NEO1: variants seen among roughly 807,000 people sequenced by gnomAD.
NEO1 encodes the protein neogenin 1.
In NEO1, 63 loss-of-function variants were observed where a neutral mutation model predicts 159.7. That is an observed-to-expected ratio of 0.39 (90% CI 0.32 to 0.49). The LOEUF is 0.49. Among genes scored for constraint, NEO1 ranks in the 20% least tolerant of loss-of-function variants. The pLI is 0.85. For missense variants in NEO1, 1,615 were observed against 1,831.0 expected (o/e 0.88, Z 2.15); for synonymous variants, 633 against 662.0 (o/e 0.96, Z 0.67).
intron 1 of NEO1, among the ~76,000 whole-genome samples, chr15:73,091,378 A>C (rs2069681164): frequency 6.6e-6 from 1 of 152,304 alleles, no homozygotes; most frequent in African/African-American, 2.4e-5. Context: ...ATTTGTTTAT[A>C]CAAACTTTTT....
chr15:73,178,640 A>G (rs2035417859), intron 7 of NEO1, among the ~76,000 whole-genome samples: 1 of 129,470 alleles, frequency 7.7e-6, no homozygotes. Flanking sequence ...TTTTACTAAG[A>G]AAAGGAAAAC....
chr15:73,270,128 G>T lies in NEO1; in HGVS notation c.2613G>T (p.Arg871Ser). 1.2e-6 allele frequency: 2 copies of T among 1,614,106 alleles called. No homozygotes were observed. Among genetic ancestry groups the T allele is most frequent in the Non-Finnish European group, 1.7e-6 (2 of 1,180,024 alleles). Residue 871 changes from arginine (R) to serine (S), a missense_variant, in exon 17 of 29, where the codon AGG (arginine) becomes AGT (serine). By Grantham distance (110) the Arg-to-Ser change is moderately radical. Transcript: ENST00000261908. ...CCATTCTGAGTCATGACACCATCAG[G>T]ATTACGTGGGCAGACAACTCGCTGC... ...QASILSHDTI[R>S]ITWADNSLPK...
intron 15 of NEO1, among the ~76,000 whole-genome samples, chr15:73,260,924 C>CT (rs898285427): frequency 6.6e-6 from 1 of 152,156 alleles, no homozygotes; most frequent in Non-Finnish European, 1.5e-5. Flanking sequence ...TCCCATTACA[C>CT]TTTCACTCCC....
intron 7 of NEO1, among the ~76,000 whole-genome samples, chr15:73,223,962 G>A (rs1219255116): frequency 1.3e-5 from 2 of 152,158 alleles, no homozygotes; most frequent in African/African-American, 4.8e-5. Context: ...AAGATGTAGA[G>A]CTCCTTTTAG....
chr15:73,293,670 C>T (rs777939330), intron 26 of NEO1, 122 bp downstream of exon 26: 18 of 1,067,830 alleles, frequency 1.7e-5, no homozygotes, highest in Non-Finnish European at 2.4e-5. Context: ...TTTAACTTAG[C>T]ATAACATTTC....
intron 22 of NEO1, among the ~76,000 whole-genome samples, chr15:73,279,351 G>GTTTTTGTTTTTGTTTTTGTTTTTTTTT (rs2041577119): frequency 2.5e-5 from 3 of 119,348 alleles, no homozygotes; most frequent in African/African-American, 9.0e-5. Context: ...TTTGGTTTTG[G>GTTTTTGTTTTTGTTTTTGTTTTTTTTT]TTTTTTTTTT....
Position 73,052,642 on chromosome 15 carries a change from G to A in NEO1, c.-34G>A, listed in dbSNP as rs902835754. 6 of 1,235,846 alleles carry A rather than the reference G, an allele frequency of 4.9e-6. No individual in the cohort carries two copies. The African/African-American group carries it at 8.0e-5, about 17-fold the overall frequency. The allele number at this position is 1,235,846 out of a possible 1,614,324, so 76.6% of individuals were successfully genotyped here. A position where few individuals can be genotyped will look rare whatever the true frequency, so the allele number is the denominator to read the frequency against. On this transcript the variant is annotated 5_prime_UTR_variant, in exon 1 of 29. Transcript: ENST00000261908. The stretch of plus-strand genomic sequence containing the variant: ...AAGGAGGCAAGGGCTCCGCGGCGCT[G>A]TCGCCGCCGCTGCCGCTCACTCTCG...
intron 16 of NEO1, among the ~76,000 whole-genome samples, chr15:73,268,457 C>A (rs1457718136): frequency 6.6e-6 from 1 of 152,186 alleles, no homozygotes; most frequent in Non-Finnish European, 1.5e-5. Flanking sequence ...CCTGAAGGTG[C>A]ATTTTCTGTA....
intron 7 of NEO1, among the ~76,000 whole-genome samples, chr15:73,186,050 T>C (rs2035902551): frequency 6.6e-6 from 1 of 151,912 alleles, no homozygotes. Flanking sequence ...GTACACATCA[T>C]AGTCAAACTT....
At chr15:73,115,561 G>T (rs1169257656) in intron 1 of NEO1, among the ~76,000 whole-genome samples, 1 of 151,344 alleles carries the variant, frequency 6.6e-6, no homozygotes, top group Non-Finnish European at 1.5e-5. Context: ...AAATTATAAA[G>T]AAGTGTGTAG....
At chr15:73,102,281 G>T (rs748084054) in intron 1 of NEO1, among the ~76,000 whole-genome samples, 1 of 152,088 alleles carries the variant, frequency 6.6e-6, no homozygotes, top group Non-Finnish European at 1.5e-5. Context: ...CAGAAGAATC[G>T]CTTGAACCCG....
chr15:73,083,447 T>TAA (rs1436401431), intron 1 of NEO1, among the ~76,000 whole-genome samples: 1 of 151,954 alleles, frequency 6.6e-6, no homozygotes, highest in East Asian at 1.9e-4. Flanking sequence ...TATATATATA[T>TAA]AAAACACAGT....
chr15:73,296,551 C>G (rs1222870046), intron 26 of NEO1, among the ~76,000 whole-genome samples: 1 of 152,152 alleles, frequency 6.6e-6, no homozygotes, highest in Non-Finnish European at 1.5e-5. Flanking sequence ...TTCTCAGAGC[C>G]CAAGGGCACA....
At chr15:73,205,076 C>A (rs774995069) in intron 7 of NEO1, among the ~76,000 whole-genome samples, 1 of 152,118 alleles carries the variant, frequency 6.6e-6, no homozygotes, top group Non-Finnish European at 1.5e-5. Context: ...TAGTTGTTTC[C>A]GCTATTATTC....
intron 22 of NEO1, among the ~76,000 whole-genome samples, chr15:73,281,081 G>A (rs191413179): frequency 2.0e-5 from 3 of 150,722 alleles, no homozygotes; most frequent in Non-Finnish European, 4.4e-5. Flanking sequence ...GGTGGCGGGC[G>A]CCTGTAGTCC....
intron 13 of NEO1, among the ~76,000 whole-genome samples, chr15:73,257,038 G>A (rs1195028722): frequency 7.0e-6 from 1 of 143,408 alleles, no homozygotes; most frequent in East Asian, 2.2e-4. Context: ...AGGCTGAGGT[G>A]GGAGGATCAT....
At chr15:73,052,837 G>C in intron 1 of NEO1, 32 bp downstream of exon 1, 1 of 537,734 alleles carries the variant, frequency 1.9e-6, no homozygotes, top group Non-Finnish European at 2.4e-6. Context: ...GGGGGTTCGC[G>C]GGGGCGCGGC....
At chr15:73,223,609 C>T (rs1279681750) in intron 7 of NEO1, among the ~76,000 whole-genome samples, 4 of 150,078 alleles carry the variant, frequency 2.7e-5, no homozygotes, top group Non-Finnish European at 5.9e-5. Flanking sequence ...TACCCCTGCT[C>T]GCTTTTGGTG....
chr15:73,090,635 A>C (rs2151439653), intron 1 of NEO1, among the ~76,000 whole-genome samples: 1 of 152,282 alleles, frequency 6.6e-6, no homozygotes, highest in South Asian at 2.1e-4. Context: ...CTTAACATAA[A>C]ATTATAAGTA....
Sources: gnomAD v4.1 joint callset for allele counts (sites outside exome capture counted in the v4.1 genomes callset) on GRCh38, gnomAD v4.1.1 for gene constraint, MANE v1.5 for transcripts, NCBI Gene and HGNC (gene_info 2026-07-23, HGNC 2026-07-21) for gene names.